BRSK2: variants seen among roughly 807,000 people sequenced by gnomAD.
BRSK2 encodes the protein BR serine/threonine kinase 2.
Under a neutral mutation model 83.3 loss-of-function variants are expected in BRSK2, and 19 were observed. The ratio of observed to expected loss-of-function variants is 0.23; its 90% CI spans 0.16 to 0.33. The LOEUF (loss-of-function observed/expected upper bound fraction) is 0.33, where lower values mean the gene tolerates loss of function less well. BRSK2 is among the 10% of genes least tolerant of loss of function. BRSK2 has a pLI of 1.00. For missense variants in BRSK2, 798 were observed against 1,042.3 expected, an observed-to-expected ratio of 0.77 and a Z score of 3.23; for synonymous variants, 519 against 435.4, an observed-to-expected ratio of 1.19 and a Z score of -2.39.
intron 1 of BRSK2, among the ~76,000 whole-genome samples, chr11:1,392,284 G>A (rs938123300): frequency 1.1e-4 from 16 of 152,226 alleles, no homozygotes; most frequent in Non-Finnish European, 2.1e-4. Flanking sequence ...AGAACGGGAG[G>A]CTGGGCTTCT....
chr11:1,460,564 G>T lies in BRSK2; in HGVS notation c.2052G>T (p.Gln684His). ...KQLFSDEKNG[Q>H]AAQAPSTPAK... Reference sequence around the variant, plus strand: ...TTTTTTCAGACGAGAAGAACGGGCAGGCGGCCCAGGCCCCCAGCACGCCCG... The same window carrying T: ...TTTTTTCAGACGAGAAGAACGGGCATGCGGCCCAGGCCCCCAGCACGCCCG... Residue 684 changes from glutamine (Q) to histidine (H), a missense_variant, in exon 20 of 20, where the codon CAG becomes CAT. Gln to His is a conservative substitution (Grantham distance 24, BLOSUM62 0). This residue lies in a region of BRSK2 where 455 missense variants were observed against 455.2 expected (regional missense o/e 1.00). Transcript: ENST00000528841. 1 of 1,531,810 alleles carries T rather than the reference G, an allele frequency of 6.5e-7. No individual in the cohort carries two copies. Among genetic ancestry groups the T allele is most frequent in the East Asian group, 2.5e-5 (1 of 40,786 alleles). 94.9% of individuals were successfully genotyped at this position (1,531,810 alleles called of 1,614,324 possible). A position where few individuals can be genotyped will look rare whatever the true frequency, so the allele number is the denominator to read the frequency against.
rs1427343474 is a variant in BRSK2 at position 1,424,840 on chromosome 11, G to A, written c.92-11200G>A. On this transcript the variant is annotated intron_variant, in intron 1 of 19. Transcript: ENST00000528841. ...CTACTGGCGGGGGGGCAGGTTGCGG[G>A]GGTGGAGCAGGACCCCCTGGCCTGC... 2.0e-5 allele frequency among the ~76,000 whole-genome samples: 3 copies of A among 152,116 alleles called. No homozygotes were observed. In the East Asian group the frequency reaches 5.8e-4, roughly 29 times the overall value.
intron 2 of BRSK2, among the ~76,000 whole-genome samples, chr11:1,436,755 G>A (rs567048720): frequency 6.6e-6 from 1 of 151,950 alleles, no homozygotes; most frequent in African/African-American, 2.4e-5. Flanking sequence ...GGCAGCGTGC[G>A]ACCCTCCCAG....
At chr11:1,447,960 T>C in intron 12 of BRSK2, 1 of 1,228,748 alleles carries the variant, frequency 8.1e-7, no homozygotes. Flanking sequence ...GGTGGCGGGC[T>C]GGGCTGCAGG....
chr11:1,439,807 G>A (rs1426922431), intron 3 of BRSK2, among the ~76,000 whole-genome samples: 1 of 151,658 alleles, frequency 6.6e-6, no homozygotes, highest in Non-Finnish European at 1.5e-5. Flanking sequence ...CCTGCCCTGG[G>A]GGCTTCACAC....
At chr11:1,448,670 C>T (rs1470537614) in intron 12 of BRSK2, among the ~76,000 whole-genome samples, 1 of 152,230 alleles carries the variant, frequency 6.6e-6, no homozygotes, top group Non-Finnish European at 1.5e-5. Context: ...TGTCCGCGCT[C>T]CCAGCTCAGC....
At chr11:1,436,164 C>CG in intron 2 of BRSK2, 30 bp downstream of exon 2, 1 of 75,936 alleles carries the variant, frequency 1.3e-5, no homozygotes, top group South Asian at 3.7e-4. Flanking sequence ...GAGGCGGGGC[C>CG]GGCGGTGGGG....
rs201188312 is a variant in BRSK2 at position 1,445,551 on chromosome 11, G to A, written c.978-20G>A. ...GCGGCCCCGTGTGCCAGCGCGTCTC[G>A]CGCCTCTCGCCCGCTGTAGGGAGAA... On this transcript the variant is annotated intron_variant, in intron 10 of 19. Coordinates refer to ENST00000528841, the MANE Select transcript of BRSK2 (RefSeq NM_001256627.2). 3.5e-3 allele frequency: 5,528 copies of A among 1,589,262 alleles called. 15 individuals carry two copies. The highest frequency in any genetic ancestry group is 4.3e-3 in the Non-Finnish European group (4,988 of 1,168,436).
rs1846205151 is a variant in BRSK2, at chr11:1,454,307, TG to T, written c.1545-175del. On this transcript the variant is annotated intron_variant, in intron 15 of 19. Transcript: ENST00000528841. The surrounding 1 kb of genome is among the most constrained non-coding windows in gnomAD (Gnocchi z 5.2). ...GAGCCACGGTGATGGTCAGGGCATA[TG>T]GGCTAGGGTTAGGGCGTTGGGGTCA... 1.5e-6 allele frequency: 1 copy of T among 685,828 alleles called. No homozygotes were observed. Among genetic ancestry groups the T allele is most frequent in the Non-Finnish European group, 2.5e-6 (1 of 403,720 alleles). The allele number at this position is 685,828 out of a possible 1,614,324, so 42.5% of individuals were successfully genotyped here.
chr11:1,443,302 G>A (rs371493192), intron 6 of BRSK2, 33 bp from the exon 7 acceptor site: 69 of 1,586,304 alleles, frequency 4.3e-5, no homozygotes, highest in Middle Eastern at 4.2e-4. Context: ...CCTGCCCTGC[G>A]CCCCCCAACA....
rs576631626 is a variant in BRSK2, at chr11:1,443,153, G to A, written c.564+14G>A. ...GAGGTGATCCGGGTGAGTCAGCGCC[G>A]CCGCGTGCAGCTCTGTGGGGCCCAG... On this transcript the variant is annotated intron_variant, in intron 6 of 19. Coordinates refer to ENST00000528841, the MANE Select transcript of BRSK2 (RefSeq NM_001256627.2). 7.2e-5 allele frequency: 111 copies of A among 1,537,254 alleles called. No individual in the cohort carries two copies. In the South Asian group the frequency reaches 8.0e-4, roughly 11 times the overall value.
rs4633454 is a variant in BRSK2, at chr11:1,427,952, G to A, written c.92-8088G>A. Among the ~76,000 whole-genome samples the A allele has an allele frequency of 3.9e-3, 596 of 152,312 alleles. 4 individuals are homozygous for A. The highest frequency in any genetic ancestry group is 0.014 in the African/African-American group (568 of 41,568). ...ACTCGGAGCTGAGGGATACCAGGAC[G>A]CAGAGGCCTGCACTGCTGCCTAGGA... On this transcript the variant is annotated intron_variant, in intron 1 of 19. Coordinates refer to ENST00000528841, the MANE Select transcript of BRSK2 (RefSeq NM_001256627.2).
chr11:1,460,173 C>T (rs963442028), intron 19 of BRSK2, among the ~76,000 whole-genome samples: 5 of 152,342 alleles, frequency 3.3e-5, no homozygotes, highest in Middle Eastern at 3.4e-3. Context: ...AGCCTCGCTT[C>T]GCCAAAGGAG....
chr11:1,450,938 C>T (rs924687039), intron 14 of BRSK2, 144 bp downstream of exon 14: 34 of 753,400 alleles, frequency 4.5e-5, no homozygotes, highest in South Asian at 1.2e-4. Context: ...CTCACTGTCC[C>T]GAAAGCGCCC....
chr11:1,442,337 G>A, intron 4 of BRSK2, 153 bp from the exon 5 acceptor site: 1 of 594,036 alleles, frequency 1.7e-6, no homozygotes, highest in Non-Finnish European at 3.1e-6. Context: ...CTTCTGATTG[G>A]CTGCCTATGA....
Position 1,454,201 on chromosome 11 carries a change from C to A in BRSK2, c.1545-284C>A. ...GGGGCTCACCTGTGGAGGGGCATCC[C>A]CAGACTTGGGAGTGGGTGGCATATG... is the stretch of plus-strand genomic sequence containing the variant. On this transcript the variant is annotated intron_variant, in intron 15 of 19. Coordinates refer to ENST00000528841, the MANE Select transcript of BRSK2 (RefSeq NM_001256627.2). This position sits in a 1 kb window ranked among gnomAD's most constrained non-coding sequence, Gnocchi z 5.2. The A allele has an allele frequency of 4.5e-6, 1 of 223,636 alleles. No individual in the cohort carries two copies. 13.9% of individuals were successfully genotyped at this position (223,636 alleles called of 1,614,324 possible).
chr11:1,397,331 C>T (rs1315934341), intron 1 of BRSK2, among the ~76,000 whole-genome samples: 1 of 152,190 alleles, frequency 6.6e-6, no homozygotes, highest in African/African-American at 2.4e-5. Context: ...TGTGCCAAGC[C>T]GGCTGCCTTT....
At chr11:1,451,568 T>A in intron 15 of BRSK2, 149 bp downstream of exon 15, 3 of 820,984 alleles carry the variant, frequency 3.7e-6, no homozygotes, top group Non-Finnish European at 5.9e-6. Flanking sequence ...GGCCACTGAG[T>A]CTCTGAAGTT....
chr11:1,460,641 G>A lies in BRSK2; in HGVS notation c.2129G>A (p.Gly710Asp). ...GGTGACTCCGCGGCCGCTGGCCCTG[G>A]CCCCGGAGGGGACGCCGAGTACCCA... ...PLGDSAAAGP[G>D]PGGDAEYPTG... Residue 710 changes from glycine to aspartate, a missense_variant, in exon 20 of 20, where the codon GGC becomes GAC. Transcript: ENST00000528841. 6.5e-7 allele frequency: 1 copy of A among 1,528,828 alleles called. No individual in the cohort carries two copies. The highest frequency in any genetic ancestry group is 8.7e-7 in the Non-Finnish European group (1 of 1,142,992). 94.7% of individuals were successfully genotyped at this position (1,528,828 alleles called of 1,614,324 possible). A position where few individuals can be genotyped will look rare whatever the true frequency, so the allele number is the denominator to read the frequency against.
Sources: gnomAD v4.1 joint callset for allele counts (sites outside exome capture counted in the v4.1 genomes callset) on GRCh38, gnomAD v4.1.1 for gene constraint, gnomAD v4.1.1 regional missense constraint, Gnocchi (gnomAD v3.1) non-coding constraint, MANE v1.5 for transcripts, NCBI Gene and HGNC (gene_info 2026-07-23, HGNC 2026-07-21) for gene names.